The following MTBP variants were observed in gnomAD, a reference collection of about 807,000 sequenced individuals.
The protein encoded by MTBP is MDM2 binding protein.
Under a neutral mutation model 117.0 loss-of-function variants are expected in MTBP, and 101 were observed. The ratio of observed to expected loss-of-function variants is 0.86; its 90% CI spans 0.73 to 1.02. MTBP has a LOEUF of 1.02. Ranked by LOEUF, MTBP falls within the 50% of genes least tolerant of loss-of-function variation. The pLI is 0.00. For missense variants in MTBP, 970 were observed against 1,030.9 expected, an observed-to-expected ratio of 0.94 and a Z score of 0.81; for synonymous variants, 350 against 351.5, an observed-to-expected ratio of 1.00 and a Z score of 0.05.
chr8:120,518,644 G>A (rs1051343858), intron 19 of MTBP, 60 bp from the exon 20 acceptor site: 1 of 1,144,954 alleles, frequency 8.7e-7, no homozygotes, highest in Non-Finnish European at 1.3e-6. Context: ...CTCTAAAGCT[G>A]AAATAATAGG....
chr8:120,514,464 A>G (rs767130604), intron 17 of MTBP, among the ~76,000 whole-genome samples: 59 of 152,190 alleles, frequency 3.9e-4, no homozygotes, highest in Non-Finnish European at 3.4e-4. Flanking sequence ...ACTGTCAAAG[A>G]CAGAGTATTA....
intron 11 of MTBP, chr8:120,472,241 A>G (rs756832074): frequency 2.0e-5 from 3 of 152,164 alleles, no homozygotes; most frequent in Admixed American, 6.5e-5. Flanking sequence ...AACAGGAGAG[A>G]TACTGAATTC....
intron 6 of MTBP, among the ~76,000 whole-genome samples, chr8:120,456,331 G>A (rs1317150407): frequency 1.3e-5 from 2 of 152,098 alleles, no homozygotes; most frequent in Non-Finnish European, 2.9e-5. Flanking sequence ...TTCATCCTTA[G>A]TACTAAAGAT....
intron 2 of MTBP, among the ~76,000 whole-genome samples, chr8:120,449,845 A>T (rs547140066): frequency 1.4e-4 from 22 of 152,196 alleles, no homozygotes; most frequent in Non-Finnish European, 2.9e-4. Flanking sequence ...CAAGTCAGTT[A>T]TTGGTGACTT....
intron 9 of MTBP, 26 bp from the exon 10 acceptor site, chr8:120,463,666 A>G: frequency 1.3e-6 from 2 of 1,556,368 alleles, no homozygotes; most frequent in South Asian, 1.2e-5. Flanking sequence ...GTACCATTAC[A>G]TCATTTCTTT....
chr8:120,457,070 A>G lies in MTBP; in HGVS notation c.747+400A>G, dbSNP rs540351262. Among the ~76,000 whole-genome samples the G allele has an allele frequency of 1.4e-3, 215 of 152,290 alleles. 3 individuals are homozygous for G. The highest frequency in any genetic ancestry group is 4.9e-3 in the African/African-American group (203 of 41,568). ...CATGTGTAAACTACTAGAAAAAACT[A>G]CTTAGAGCATATTGTCTTCCCATAA... On this transcript the variant is annotated intron_variant, in intron 7 of 21. Coordinates refer to ENST00000305949, the MANE Select transcript of MTBP (RefSeq NM_022045.5).
In MTBP at chr8:120,510,728, C is replaced by T. The variant is rs369734126; in HGVS notation, c.1979+699C>T. ...ACCAGCCTGGGCAACATGGTGAAACCCTGTCTCTACAAAAAAAATATAAAA... is the reference window on the plus strand; with the variant it reads ...ACCAGCCTGGGCAACATGGTGAAACTCTGTCTCTACAAAAAAAATATAAAA... On this transcript the variant is annotated intron_variant, in intron 17 of 21. Coordinates refer to ENST00000305949, the MANE Select transcript of MTBP (RefSeq NM_022045.5). Among the ~76,000 whole-genome samples, 111 of 151,924 alleles carry T rather than the reference C, an allele frequency of 7.3e-4. 1 individual carries two copies. The highest frequency in any genetic ancestry group is 2.6e-3 in the African/African-American group (106 of 41,454).
chr8:120,473,491 G>A (rs764911961), intron 11 of MTBP: 1 of 152,036 alleles, frequency 6.6e-6, no homozygotes, highest in African/African-American at 2.4e-5. Context: ...TGTCTTTTTC[G>A]CTGTGAAATT....
rs201110215 is a variant in MTBP, at chr8:120,445,438, G to T, written c.-33G>T. Reference sequence around the variant, plus strand: ...GCGCGTCTGTTTGGATGTGGAAGCCGAGACCTAAAGTTGGGGGGTGATCTC... The same window carrying T: ...GCGCGTCTGTTTGGATGTGGAAGCCTAGACCTAAAGTTGGGGGGTGATCTC... On this transcript the variant is annotated 5_prime_UTR_variant, in exon 1 of 22. Transcript: ENST00000305949. 4 of 1,579,922 alleles carry T rather than the reference G, an allele frequency of 2.5e-6. No homozygotes were observed. The highest frequency in any genetic ancestry group is 1.4e-5 in the African/African-American group (1 of 74,042).
chr8:120,518,490 T>G (rs775513766), intron 19 of MTBP, among the ~76,000 whole-genome samples: 3 of 152,004 alleles, frequency 2.0e-5, no homozygotes, highest in African/African-American at 4.8e-5. Context: ...CTTAAGACAC[T>G]GTAGTCATTT....
At chr8:120,523,236 A>G in intron 21 of MTBP, 62 bp from the exon 22 acceptor site, 1 of 1,113,878 alleles carries the variant, frequency 9.0e-7, no homozygotes, top group Non-Finnish European at 1.3e-6. Flanking sequence ...TTTACAATAT[A>G]TTTTTCTATT....
rs186198137 is a variant in MTBP, at chr8:120,460,325, C to T, written c.883-836C>T. On this transcript the variant is annotated intron_variant, in intron 8 of 21. Coordinates refer to ENST00000305949, the MANE Select transcript of MTBP (RefSeq NM_022045.5). ...TGTTGAAGAGAATCTTAGGGTACAA[C>T]TTCTTCAATAATGTAAAATTCATAT... is the stretch of plus-strand genomic sequence containing the variant. 5.1e-3 allele frequency among the ~76,000 whole-genome samples: 774 copies of T among 152,216 alleles called. 10 individuals carry two copies. Among genetic ancestry groups the T allele is most frequent in the African/African-American group, 0.018 (733 of 41,544 alleles).
intron 21 of MTBP, among the ~76,000 whole-genome samples, 190 bp downstream of exon 21, chr8:120,522,909 C>G (rs1815030769): frequency 6.6e-6 from 1 of 152,070 alleles, no homozygotes; most frequent in African/African-American, 2.4e-5. Context: ...GTAGATTGCT[C>G]TGTCAGCAAA....
intron 17 of MTBP, among the ~76,000 whole-genome samples, chr8:120,513,518 A>C (rs920953113): frequency 2.6e-5 from 4 of 152,098 alleles, no homozygotes; most frequent in African/African-American, 9.6e-5. Flanking sequence ...ATGGCAAATC[A>C]TAGTATAATC....
chr8:120,459,120 G>C, intron 7 of MTBP, 95 bp from the exon 8 acceptor site: 2 of 1,063,300 alleles, frequency 1.9e-6, no homozygotes, highest in Non-Finnish European at 2.7e-6. Flanking sequence ...TTTATACATG[G>C]ATTTCCCCTC....
At chr8:120,457,581 G>A (rs900929201) in intron 7 of MTBP, among the ~76,000 whole-genome samples, 1 of 152,122 alleles carries the variant, frequency 6.6e-6, no homozygotes, top group Middle Eastern at 3.2e-3. Flanking sequence ...TCTCAGACAG[G>A]TTAAATCTGC....
At chr8:120,475,038 A>G (rs935519441) in intron 11 of MTBP, among the ~76,000 whole-genome samples, 2 of 151,168 alleles carry the variant, frequency 1.3e-5, no homozygotes, top group East Asian at 1.9e-4. Context: ...ACTGTTTTAC[A>G]TGCTGGACAA....
chr8:120,508,166 T>C (rs1814728820), intron 16 of MTBP, among the ~76,000 whole-genome samples: 1 of 152,172 alleles, frequency 6.6e-6, no homozygotes, highest in South Asian at 2.1e-4. Flanking sequence ...TGGTAATAAA[T>C]CAGGAACCTA....
rs759979324 is a variant in MTBP, at chr8:120,506,828, T to C, written c.1850T>C (p.Ile617Thr). The part of the protein sequence containing the change: ...LKYFTSDGLP[I>T]GDLQPLPIQK... ...TACTTTACCTCAGATGGATTACCCATTGGAGATCTTCAACCTTTACCGATT... is the reference window on the plus strand; with the variant it reads ...TACTTTACCTCAGATGGATTACCCACTGGAGATCTTCAACCTTTACCGATT... Residue 617 changes from isoleucine to threonine, a missense_variant, in exon 16 of 22, where the codon ATT (isoleucine) becomes ACT (threonine). Physicochemically the swap from Ile to Thr is moderately conservative, Grantham distance 89. Coordinates refer to ENST00000305949, the MANE Select transcript of MTBP (RefSeq NM_022045.5). 4.3e-6 allele frequency: 7 copies of C among 1,612,944 alleles called. No individual in the cohort carries two copies. The highest frequency in any genetic ancestry group is 1.7e-4 in the Middle Eastern group (1 of 6,058).
Sources: gnomAD v4.1 joint callset for allele counts (sites outside exome capture counted in the v4.1 genomes callset) on GRCh38, gnomAD v4.1.1 for gene constraint, MANE v1.5 for transcripts, NCBI Gene and HGNC (gene_info 2026-07-23, HGNC 2026-07-21) for gene names.